The following GFI1B variants were observed in gnomAD, a reference collection of about 807,000 sequenced individuals.
GFI1B encodes growth factor independent 1B transcriptional repressor.
A neutral mutation model predicts 35.3 loss-of-function variants in GFI1B; 20 were observed. That is an observed-to-expected ratio of 0.57 (90% CI 0.40 to 0.82). The LOEUF (loss-of-function observed/expected upper bound fraction) is 0.82. Ranked by LOEUF, GFI1B falls within the 40% of genes least tolerant of loss-of-function variation. The pLI, the probability that GFI1B is intolerant of heterozygous loss-of-function variation, is 0.00. For synonymous variants in GFI1B, 178 were observed against 177.6 expected (o/e 1.00, Z -0.02); for missense variants, 430 against 446.3 (o/e 0.96, Z 0.33).
intron 1 of GFI1B, among the ~76,000 whole-genome samples, chr9:132,962,137 C>CTTT (rs56259129): frequency 8.7e-4 from 113 of 129,620 alleles, no homozygotes; most frequent in Non-Finnish European, 1.2e-3. Context: ...TTTTTTTTTT[C>CTTT]TTTTTTTTTT....
Position 132,991,076 on chromosome 9 carries a change from C to G in GFI1B, c.*26C>G. The stretch of plus-strand genomic sequence containing the variant: ...GGCTGCGCCGGCTCCCAGCTCCTGG[C>G]CAGCCTGCCCTGCGGTCCTGTCACC... On this transcript the variant is annotated 3_prime_UTR_variant, in exon 7 of 7. Coordinates refer to ENST00000372122, the MANE Select transcript of GFI1B (RefSeq NM_001377304.1). The G allele has an allele frequency of 2.5e-6, 4 of 1,605,620 alleles. No homozygotes were observed. Among genetic ancestry groups the G allele is most frequent in the Non-Finnish European group, 3.4e-6 (4 of 1,175,866 alleles).
intron 1 of GFI1B, among the ~76,000 whole-genome samples, chr9:132,964,363 A>G (rs1588413864): frequency 6.6e-6 from 1 of 152,250 alleles, no homozygotes; most frequent in Non-Finnish European, 1.5e-5. Flanking sequence ...CAATCTATGC[A>G]TATAACAAAA....
chr9:132,974,324 G>A (rs1440606842), upstream of GFI1B, among the ~76,000 whole-genome samples: 4 of 152,192 alleles, frequency 2.6e-5, no homozygotes, highest in South Asian at 2.1e-4. Context: ...ATGGCCAGGC[G>A]CGGTGGCTCA....
intron 1 of GFI1B, among the ~76,000 whole-genome samples, chr9:132,948,085 C>T (rs1323204690): frequency 1.3e-5 from 2 of 152,158 alleles, no homozygotes; most frequent in African/African-American, 2.4e-5. Flanking sequence ...GTACGGAGTC[C>T]TTCTCAGGCC....
intron 2 of GFI1B, 37 bp downstream of exon 2, chr9:132,986,815 CG>C: frequency 3.9e-6 from 5 of 1,285,270 alleles, no homozygotes; most frequent in Non-Finnish European, 4.5e-6. Flanking sequence ...GCTGCACCCA[CG>C]GGGGGCTCTC....
At chr9:132,977,865 A>G (rs1395856519), upstream of GFI1B, among the ~76,000 whole-genome samples, 1 of 152,166 alleles carries the variant, frequency 6.6e-6, no homozygotes, top group East Asian at 1.9e-4. Flanking sequence ...CCTGGCCTTC[A>G]ATCTGTATGG....
At chr9:132,983,474 T>C (rs1848910479) in intron 1 of GFI1B, among the ~76,000 whole-genome samples, 1 of 152,068 alleles carries the variant, frequency 6.6e-6, no homozygotes, top group African/African-American at 2.4e-5. Flanking sequence ...GGATTACAGG[T>C]GTGAGCCACT....
rs757520760 is a variant in GFI1B, at chr9:132,986,779, G to C, written c.100+1G>C. 1.9e-6 allele frequency: 3 copies of C among 1,600,072 alleles called. No individual in the cohort carries two copies. The highest frequency in any genetic ancestry group is 1.7e-5 in the Admixed American group (1 of 59,288). ...CTCTGGCCTCCTGCCCTTACCCCGG[G>C]TGAGTCAGAGCCCGGGCTGGCGCCT... On this transcript the variant is annotated splice_donor_variant, in intron 2 of 6. Coordinates refer to ENST00000372122, the MANE Select transcript of GFI1B (RefSeq NM_001377304.1). LOFTEE classifies it high-confidence loss of function.
chr9:132,950,931 G>A (rs548100777), intron 1 of GFI1B, among the ~76,000 whole-genome samples: 4 of 151,826 alleles, frequency 2.6e-5, no homozygotes, highest in Admixed American at 6.6e-5. Context: ...TTGACCTCCC[G>A]GGCTCAGACC....
intron 1 of GFI1B, among the ~76,000 whole-genome samples, chr9:132,964,069 C>A: frequency 6.6e-6 from 1 of 152,068 alleles, no homozygotes; most frequent in East Asian, 1.9e-4. Context: ...GGTGAAACCC[C>A]ATCTCTACTA....
At chr9:132,974,620 A>AG (rs1244056246), upstream of GFI1B, among the ~76,000 whole-genome samples, 3 of 151,568 alleles carry the variant, frequency 2.0e-5, no homozygotes, top group Non-Finnish European at 4.4e-5. Flanking sequence ...AAAAAAAAAA[A>AG]AAAGGGAAGA....
chr9:132,966,553 A>G (rs971791317), intron 1 of GFI1B, among the ~76,000 whole-genome samples: 6 of 152,204 alleles, frequency 3.9e-5, no homozygotes, highest in African/African-American at 1.4e-4. Context: ...AGAAGGAATG[A>G]TAGAATTGGA....
intron 3 of GFI1B, 34 bp from the exon 4 acceptor site, chr9:132,988,163 A>T: frequency 6.2e-7 from 1 of 1,609,344 alleles, no homozygotes; most frequent in Non-Finnish European, 8.5e-7. Context: ...CTGTGTTTAA[A>T]TGAGTAACCA....
chr9:132,989,987 C>T lies in GFI1B; in HGVS notation c.814+80C>T, dbSNP rs1422091856. On this transcript the variant is annotated intron_variant, in intron 6 of 6. Transcript: ENST00000372122. This position sits in a 1 kb window ranked among gnomAD's most constrained non-coding sequence, Gnocchi z 6.2. Reference sequence around the variant, plus strand: ...TGAGAGATGCATCAGAGGCCCCCAGCGTGAGGCTGGGGGCGGGGTCTAGTT... The same window carrying T: ...TGAGAGATGCATCAGAGGCCCCCAGTGTGAGGCTGGGGGCGGGGTCTAGTT... The T allele has an allele frequency of 1.0e-5, 13 of 1,287,228 alleles. No individual in the cohort carries two copies. The highest frequency in any genetic ancestry group is 2.0e-4 in the Middle Eastern group (1 of 4,996). 79.7% of individuals were successfully genotyped at this position (1,287,228 alleles called of 1,614,324 possible).
intron 1 of GFI1B, among the ~76,000 whole-genome samples, chr9:132,958,959 G>A (rs1848324346): frequency 6.6e-6 from 1 of 152,202 alleles, no homozygotes. Flanking sequence ...GCCCTCTGGT[G>A]AGGACAGAGA....
At chr9:132,973,647 C>T (rs1588420812) in intron 2 of GFI1B, among the ~76,000 whole-genome samples, 1 of 152,120 alleles carries the variant, frequency 6.6e-6, no homozygotes, top group Non-Finnish European at 1.5e-5. Context: ...CTGGATTGAG[C>T]TGTGAAGGAG....
chr9:132,982,236 GT>G (rs1354666665), intron 1 of GFI1B, among the ~76,000 whole-genome samples: 1 of 152,244 alleles, frequency 6.6e-6, no homozygotes, highest in East Asian at 1.9e-4. Flanking sequence ...CAAAAGGGAA[GT>G]TTAGAAATCT....
intron 1 of GFI1B, chr9:132,952,234 G>C (rs944173405): frequency 1.3e-5 from 2 of 152,012 alleles, no homozygotes; most frequent in Non-Finnish European, 2.9e-5. Context: ...AATTTTACTA[G>C]TTTGTCATTT....
Position 132,990,058 on chromosome 9 carries a change from A to G in GFI1B, c.814+151A>G, listed in dbSNP as rs58133031. 3,146 of 684,502 alleles carry G rather than the reference A, an allele frequency of 4.6e-3. 67 individuals carry two copies. In the African/African-American group the frequency reaches 0.05, roughly 11 times the overall value. The allele number at this position is 684,502 out of a possible 1,614,324, so 42.4% of individuals were successfully genotyped here. Reference sequence around the variant, plus strand: ...TGATGGAGGGCTGGGCACCTGTGCTACTTAAGTGCACTTAATGCATGGAAA... The same window carrying G: ...TGATGGAGGGCTGGGCACCTGTGCTGCTTAAGTGCACTTAATGCATGGAAA... On this transcript the variant is annotated intron_variant, in intron 6 of 6. Transcript: ENST00000372122.
Sources: allele counts gnomAD v4.1 joint callset (sites outside exome capture counted in the v4.1 genomes callset), GRCh38; gene constraint gnomAD v4.1.1; non-coding constraint Gnocchi (gnomAD v3.1); transcripts MANE v1.5; gene names NCBI Gene and HGNC (gene_info 2026-07-23, HGNC 2026-07-21).